The following SORCS3 variants were observed in gnomAD, a reference collection of about 807,000 sequenced individuals.
SORCS3 encodes sortilin related VPS10 domain containing receptor 3, also known as VPS10 domain-containing receptor SorCS3.
A neutral mutation model predicts 146.3 loss-of-function variants in SORCS3; 57 were observed. That is an observed-to-expected ratio of 0.39 (90% confidence interval 0.31 to 0.49). The LOEUF (loss-of-function observed/expected upper bound fraction) is 0.49, where lower values mean the gene tolerates loss of function less well. SORCS3 is among the 20% of genes least tolerant of loss of function. SORCS3 has a pLI of 0.92. For missense variants in SORCS3, 1,341 were observed against 1,575.5 expected (o/e 0.85, Z 2.52); for synonymous variants, 653 against 618.5 (o/e 1.06, Z -0.83).
At chr10:104,844,889 C>T (rs1442064823) in intron 2 of SORCS3, among the ~76,000 whole-genome samples, 1 of 152,094 alleles carries the variant, frequency 6.6e-6, no homozygotes, top group Non-Finnish European at 1.5e-5. Flanking sequence ...AAATAAGGTT[C>T]CATTATAGAT....
chr10:104,709,743 G>A (rs2016390131), intron 1 of SORCS3, among the ~76,000 whole-genome samples: 1 of 152,170 alleles, frequency 6.6e-6, no homozygotes, highest in African/African-American at 2.4e-5. Flanking sequence ...GTGCTAAATT[G>A]CAGGACTCAA....
At chr10:104,988,930 A>G (rs79479763) in intron 4 of SORCS3, among the ~76,000 whole-genome samples, 2,008 of 152,306 alleles carry the variant, frequency 0.013, 42 homozygotes, top group African/African-American at 0.045. Flanking sequence ...AATTTCCCCC[A>G]ATCTAGCCAA....
intron 4 of SORCS3, among the ~76,000 whole-genome samples, chr10:104,999,881 C>A (rs1394251308): frequency 6.6e-6 from 1 of 152,154 alleles, no homozygotes; most frequent in Non-Finnish European, 1.5e-5. Context: ...CAGGGGTTTT[C>A]ATATGGCCAC....
At chr10:105,020,362 G>A (rs2055191415) in intron 4 of SORCS3, among the ~76,000 whole-genome samples, 1 of 152,128 alleles carries the variant, frequency 6.6e-6, no homozygotes, top group Non-Finnish European at 1.5e-5. Context: ...TTGCTGTCAG[G>A]ATGAACTACA....
chr10:105,027,417 C>G lies in SORCS3; in HGVS notation c.955-15638C>G, dbSNP rs78426603. ...ATAAAAAAAGTACCACTGACATGCT[C>G]TATCCACTTTCTCTGCTTTAATTTT... On this transcript the variant is annotated intron_variant, in intron 4 of 26. Transcript: ENST00000369701. Among the ~76,000 whole-genome samples, 1,363 of 152,326 alleles carry G rather than the reference C, an allele frequency of 8.9e-3. 22 individuals are homozygous for G. The highest frequency in any genetic ancestry group is 0.03 in the African/African-American group (1,253 of 41,580).
intron 4 of SORCS3, among the ~76,000 whole-genome samples, chr10:104,979,379 C>T (rs533322407): frequency 6.6e-6 from 1 of 152,248 alleles, no homozygotes; most frequent in African/African-American, 2.4e-5. Context: ...GTGCTTGATG[C>T]CAAACTATTA....
Position 104,946,564 on chromosome 10 carries a change from A to G in SORCS3, c.795+30632A>G, listed in dbSNP as rs1017659214. ...GCACACAAAACTCTTTGTAAACAATAAAACCCATCTCCTGCTTTGACATGA... is the reference window on the plus strand; with the variant it reads ...GCACACAAAACTCTTTGTAAACAATGAAACCCATCTCCTGCTTTGACATGA... On this transcript the variant is annotated intron_variant, in intron 3 of 26. Transcript: ENST00000369701. 2.6e-5 allele frequency among the ~76,000 whole-genome samples: 4 copies of G among 152,298 alleles called. No homozygotes were observed. The East Asian group carries it at 7.7e-4, about 29-fold the overall frequency.
intron 13 of SORCS3, 98 bp from the exon 14 acceptor site, chr10:105,177,968 G>T (rs1282264749): frequency 2.4e-6 from 2 of 830,320 alleles, no homozygotes; most frequent in Non-Finnish European, 4.0e-6. Context: ...CTGCCAGAAA[G>T]CAAGATACAG....
chr10:104,692,898 T>C (rs899000632), intron 1 of SORCS3, among the ~76,000 whole-genome samples: 2 of 152,236 alleles, frequency 1.3e-5, no homozygotes, highest in Non-Finnish European at 2.9e-5. Context: ...GAAATCTGTT[T>C]AAATCTGCAG....
intron 4 of SORCS3, among the ~76,000 whole-genome samples, chr10:105,023,214 A>G (rs1282169530): frequency 6.6e-6 from 1 of 152,218 alleles, no homozygotes; most frequent in Non-Finnish European, 1.5e-5. Flanking sequence ...CAAAGCCCAC[A>G]CATATATGGG....
At chr10:105,136,807 G>C (rs993968028) in intron 7 of SORCS3, among the ~76,000 whole-genome samples, 4 of 152,256 alleles carry the variant, frequency 2.6e-5, no homozygotes, top group Admixed American at 1.3e-4. Flanking sequence ...AGAGGTACTT[G>C]GAGACCCCAG....
At chr10:105,018,028 A>C (rs1172281048) in intron 4 of SORCS3, among the ~76,000 whole-genome samples, 1 of 152,202 alleles carries the variant, frequency 6.6e-6, no homozygotes, top group Non-Finnish European at 1.5e-5. Flanking sequence ...TGAAAATGAC[A>C]GGATACCTCA....
chr10:105,051,360 G>A (rs2133710901), intron 5 of SORCS3, among the ~76,000 whole-genome samples: 1 of 152,200 alleles, frequency 6.6e-6, no homozygotes, highest in South Asian at 2.1e-4. Context: ...GTTACCTTGA[G>A]ATAATGTGGT....
At chr10:104,896,584 G>A (rs1234823770) in intron 2 of SORCS3, among the ~76,000 whole-genome samples, 2 of 152,238 alleles carry the variant, frequency 1.3e-5, no homozygotes, top group African/African-American at 4.8e-5. Context: ...ACCACAGTAG[G>A]GATGGGGCAA....
At chr10:104,792,903 G>C (rs1421775649) in intron 1 of SORCS3, among the ~76,000 whole-genome samples, 1 of 152,058 alleles carries the variant, frequency 6.6e-6, no homozygotes, top group East Asian at 1.9e-4. Flanking sequence ...TTAAGATTAA[G>C]TTATTTTGGG....
chr10:104,922,487 A>G (rs2019097190), intron 3 of SORCS3, among the ~76,000 whole-genome samples: 1 of 152,208 alleles, frequency 6.6e-6, no homozygotes, highest in Admixed American at 6.5e-5. Context: ...GATAATGGCA[A>G]GGAAGATGTG....
intron 1 of SORCS3, among the ~76,000 whole-genome samples, chr10:104,644,178 GA>G (rs2015463986): frequency 6.6e-6 from 1 of 152,200 alleles, no homozygotes; most frequent in African/African-American, 2.4e-5. Flanking sequence ...GACAATGTAT[GA>G]ACAGCCCACA....
chr10:104,823,822 T>C (rs140884725), intron 1 of SORCS3, among the ~76,000 whole-genome samples: 2 of 152,234 alleles, frequency 1.3e-5, no homozygotes, highest in East Asian at 3.9e-4. Context: ...AAGGTAGCAG[T>C]CAGCTGAGTT....
intron 3 of SORCS3, among the ~76,000 whole-genome samples, chr10:104,946,884 G>A (rs934924644): frequency 6.6e-6 from 1 of 152,142 alleles, no homozygotes; most frequent in Non-Finnish European, 1.5e-5. Context: ...AGAAGGCCTT[G>A]CTCCCTCTGA....
Sources: allele counts gnomAD v4.1 joint callset (sites outside exome capture counted in the v4.1 genomes callset), GRCh38; gene constraint gnomAD v4.1.1; transcripts MANE v1.5; gene names NCBI Gene and HGNC (gene_info 2026-07-23, HGNC 2026-07-21).